Variants in PRDM2 observed in about 807,000 individuals in gnomAD.
PRDM2 encodes PR/SET domain 2.
Under a neutral mutation model 130.0 loss-of-function variants are expected in PRDM2, and 30 were observed. The observed-to-expected ratio is 0.23, with a 90% CI of 0.17 to 0.31. PRDM2 has a LOEUF of 0.31. Ranked by LOEUF, PRDM2 falls within the 10% of genes least tolerant of loss-of-function variation. The pLI is 1.00. For synonymous variants in PRDM2, 871 were observed against 782.4 expected, an observed-to-expected ratio of 1.11 and a Z score of -1.89; for missense variants, 2,011 against 2,108.4, an observed-to-expected ratio of 0.95 and a Z score of 0.90.
chr1:13,797,524 G>T (rs1319182006), intron 8 of PRDM2, among the ~76,000 whole-genome samples: 1 of 152,216 alleles, frequency 6.6e-6, no homozygotes, highest in Non-Finnish European at 1.5e-5. Context: ...CAGCTCGTGA[G>T]TGCCAGCTAA....
chr1:13,755,980 A>C (rs1336026958), intron 6 of PRDM2, among the ~76,000 whole-genome samples: 1 of 151,810 alleles, frequency 6.6e-6, no homozygotes, highest in Non-Finnish European at 1.5e-5. Context: ...GGCTGGGCGC[A>C]ATGGCTCACA....
intron 1 of PRDM2, among the ~76,000 whole-genome samples, chr1:13,700,525 G>A (rs911063214): frequency 2.0e-5 from 3 of 151,026 alleles, no homozygotes; most frequent in African/African-American, 7.3e-5. Context: ...TGGCGGCGCC[G>A]GGCTCCTCCT....
intron 8 of PRDM2, among the ~76,000 whole-genome samples, chr1:13,793,666 C>A (rs1351457149): frequency 6.6e-6 from 1 of 152,158 alleles, no homozygotes; most frequent in Admixed American, 6.5e-5. Context: ...ATGATGTATT[C>A]TTTTCTATCT....
chr1:13,768,230 C>T (rs2100613258), intron 6 of PRDM2, among the ~76,000 whole-genome samples: 1 of 144,740 alleles, frequency 6.9e-6, no homozygotes, highest in East Asian at 2.1e-4. Flanking sequence ...CTACAGGCGC[C>T]CACCACCACG....
At chr1:13,770,223 C>A in intron 6 of PRDM2, 1 of 387,898 alleles carries the variant, frequency 2.6e-6, no homozygotes, top group South Asian at 1.9e-5. Flanking sequence ...GGAGTTCTCG[C>A]TGATTAGGTT....
intron 4 of PRDM2, among the ~76,000 whole-genome samples, chr1:13,740,798 G>C (rs1643414548): frequency 6.6e-6 from 1 of 152,198 alleles, no homozygotes; most frequent in African/African-American, 2.4e-5. Context: ...TTAGGGCCCG[G>C]TAAGGTGGAT....
chr1:13,770,008 C>T (rs1278892766), intron 6 of PRDM2, among the ~76,000 whole-genome samples: 2 of 152,092 alleles, frequency 1.3e-5, no homozygotes, highest in African/African-American at 2.4e-5. Flanking sequence ...AGACAGCCCA[C>T]CCCACAGCCA....
intron 2 of PRDM2, among the ~76,000 whole-genome samples, chr1:13,718,961 G>A (rs560778840): frequency 6.6e-6 from 1 of 152,006 alleles, no homozygotes; most frequent in Non-Finnish European, 1.5e-5. Flanking sequence ...CTCATTCATC[G>A]TGGACAGACT....
chr1:13,802,106 C>T (rs1645016723), intron 8 of PRDM2, among the ~76,000 whole-genome samples: 1 of 152,232 alleles, frequency 6.6e-6, no homozygotes, highest in Non-Finnish European at 1.5e-5. Flanking sequence ...GGCACAAGAG[C>T]AGACTTTACT....
chr1:13,783,747 A>T (rs773169445), intron 8 of PRDM2, among the ~76,000 whole-genome samples: 3 of 152,210 alleles, frequency 2.0e-5, no homozygotes, highest in Non-Finnish European at 4.4e-5. Flanking sequence ...CTGTTTCTGA[A>T]TAGTTCAGTC....
intron 2 of PRDM2, chr1:13,722,732 G>A (rs1642771430): frequency 2.3e-6 from 1 of 429,124 alleles, no homozygotes; most frequent in African/African-American, 2.0e-5. Context: ...CTGGACAAGA[G>A]GAGGGGATGA....
intron 6 of PRDM2, chr1:13,770,438 A>G (rs149712589): frequency 1.4e-4 from 47 of 336,210 alleles, no homozygotes; most frequent in African/African-American, 1.0e-3. Context: ...TACTCTATTT[A>G]CATGTAGAAC....
chr1:13,779,053 C>G lies in PRDM2; in HGVS notation c.1258C>G (p.Pro420Ala), dbSNP rs868404349. ...CCATGAAGCAGGGTTAAAGCGGAAACCCAGCCAAACACTACAGCCGTCAGA... is the reference window on the plus strand; with the variant it reads ...CCATGAAGCAGGGTTAAAGCGGAAAGCCAGCCAAACACTACAGCCGTCAGA... ...RRHEAGLKRK[P>A]SQTLQPSEDL... The change falls in exon 8 of 10, where the codon CCC (proline) becomes GCC (alanine). Residue 420 changes from proline to alanine, a missense_variant. Pro to Ala is a conservative substitution (Grantham distance 27). This residue lies in a region of PRDM2 where 1,288 missense variants were observed against 1,237.7 expected (regional missense o/e 1.04). Coordinates refer to ENST00000311066, the MANE Select transcript of PRDM2 (RefSeq NM_001393986.1). The surrounding 1 kb of genome is among the most constrained non-coding windows in gnomAD (Gnocchi z 4.9). The G allele has an allele frequency of 6.2e-7, 1 of 1,614,046 alleles. No individual in the cohort carries two copies. Among genetic ancestry groups the G allele is most frequent in the African/African-American group, 1.3e-5 (1 of 74,906 alleles).
intron 8 of PRDM2, chr1:13,783,077 G>A: frequency 1.1e-6 from 1 of 893,544 alleles, no homozygotes; most frequent in Admixed American, 2.8e-5. Flanking sequence ...GATGTAAATT[G>A]AATTTAAAAC....
intron 2 of PRDM2, among the ~76,000 whole-genome samples, chr1:13,725,787 C>T (rs1642892128): frequency 6.6e-6 from 1 of 152,210 alleles, no homozygotes; most frequent in African/African-American, 2.4e-5. Context: ...ATAGCAATAG[C>T]TCTGACCTTG....
Position 13,782,559 on chromosome 1 carries a change from G to A in PRDM2, c.4764G>A (p.Glu1588=), listed in dbSNP as rs1377070751. 6.2e-7 allele frequency: 1 copy of A among 1,614,182 alleles called. No homozygotes were observed. Residue 1588 remains glutamate, a synonymous_variant, in exon 8 of 10, where the codon GAG becomes GAA. Coordinates refer to ENST00000311066, the MANE Select transcript of PRDM2 (RefSeq NM_001393986.1). ...GAATGGCCAAAATAACTCATGTTGA[G>A]GGGAAAAAACCTAAAGCTGTGGCCA... ...PIRMAKITHV[E]GKKPKAVAKN...
chr1:13,749,691 C>T (rs1252596399), intron 6 of PRDM2, among the ~76,000 whole-genome samples: 5 of 151,590 alleles, frequency 3.3e-5, no homozygotes, highest in Admixed American at 2.0e-4. Context: ...GCCCTGCGAT[C>T]GCTGCCCTCC....
intron 2 of PRDM2, among the ~76,000 whole-genome samples, chr1:13,727,895 A>G (rs1171996911): frequency 6.6e-6 from 1 of 152,236 alleles, no homozygotes; most frequent in African/African-American, 2.4e-5. Flanking sequence ...CTGTCAGGAT[A>G]TGTACCAAGA....
At chr1:13,773,995 A>T (rs183014505) in intron 7 of PRDM2, among the ~76,000 whole-genome samples, 4 of 152,370 alleles carry the variant, frequency 2.6e-5, no homozygotes, top group Admixed American at 2.6e-4. Context: ...ATTTTTGTAT[A>T]ACAGAACAAA....
Sources: allele counts gnomAD v4.1 joint callset (sites outside exome capture counted in the v4.1 genomes callset), GRCh38; gene constraint gnomAD v4.1.1; regional missense constraint gnomAD v4.1.1; non-coding constraint Gnocchi (gnomAD v3.1); transcripts MANE v1.5; gene names NCBI Gene and HGNC (gene_info 2026-07-23, HGNC 2026-07-21).